DPP6: variants seen among roughly 807,000 people sequenced by gnomAD.
DPP6 encodes the protein A-type potassium channel modulatory protein DPP6.
In DPP6, 69 loss-of-function variants were observed where a neutral mutation model predicts 122.6. The ratio of observed to expected loss-of-function variants is 0.56; its 90% confidence interval spans 0.46 to 0.69. The LOEUF (loss-of-function observed/expected upper bound fraction) is 0.69, where lower values mean the gene tolerates loss of function less well. Among genes scored for constraint, DPP6 ranks in the 30% least tolerant of loss-of-function variants. The pLI is 0.00. For synonymous variants in DPP6, 418 were observed against 433.1 expected (o/e 0.97, Z 0.43); for missense variants, 928 against 1,116.9 (o/e 0.83, Z 2.41).
chr7:154,761,707 A>G (rs1795568441), intron 8 of DPP6, among the ~76,000 whole-genome samples: 2 of 151,530 alleles, frequency 1.3e-5, no homozygotes, highest in African/African-American at 4.8e-5. Flanking sequence ...TTTTTTTTCA[A>G]GGTTTTATTT....
At chr7:154,004,127 A>T (rs58743531) in intron 1 of DPP6, among the ~76,000 whole-genome samples, 2,316 of 150,512 alleles carry the variant, frequency 0.015, 9 homozygotes, top group African/African-American at 0.036. Flanking sequence ...ATGAGTGGAT[A>T]GTCATGACCT....
intron 1 of DPP6, among the ~76,000 whole-genome samples, chr7:154,154,172 G>T (rs1342220894): frequency 2.0e-5 from 3 of 152,218 alleles, no homozygotes; most frequent in Non-Finnish European, 4.4e-5. Flanking sequence ...CTATGACCAA[G>T]AAGAAAAGGT....
At chr7:154,508,136 A>G (rs1296530358) in intron 3 of DPP6, among the ~76,000 whole-genome samples, 3 of 152,146 alleles carry the variant, frequency 2.0e-5, no homozygotes, top group African/African-American at 4.8e-5. Flanking sequence ...GCTTGGCTCT[A>G]TGAAAAGCAA....
the DPP6 span, among the ~76,000 whole-genome samples, chr7:153,792,888 C>G: frequency 6.6e-6 from 1 of 152,184 alleles, no homozygotes; most frequent in Non-Finnish European, 1.5e-5. Context: ...CTCACAAGAT[C>G]TGATGGGTTT....
intron 1 of DPP6, among the ~76,000 whole-genome samples, chr7:153,897,855 C>G (rs1157085078): frequency 6.6e-6 from 1 of 152,174 alleles, no homozygotes; most frequent in Admixed American, 6.6e-5. Context: ...AAGTGTTCCC[C>G]TTTCTCCACA....
intron 3 of DPP6, among the ~76,000 whole-genome samples, chr7:154,521,543 A>G (rs555709049): frequency 6.6e-6 from 1 of 152,280 alleles, no homozygotes; most frequent in Non-Finnish European, 1.5e-5. Flanking sequence ...AAGATTTTAA[A>G]AGCTATTTGG....
rs979074077 is a variant in DPP6, at chr7:154,115,487, A to T, written c.243+62424A>T. ...CTTATCAGAGATTTGCTCTGAGGTG[A>T]TAGTGTTATAGGGCCCTGATGCAAA... On this transcript the variant is annotated intron_variant, in intron 1 of 25. Coordinates refer to ENST00000377770, the MANE Select transcript of DPP6 (RefSeq NM_130797.4). 7.9e-5 allele frequency among the ~76,000 whole-genome samples: 12 copies of T among 152,090 alleles called. 1 individual carries two copies. Among genetic ancestry groups the T allele is most frequent in the Admixed American group, 3.3e-4 (5 of 15,282 alleles).
At chr7:154,005,845 C>T (rs1235718039) in intron 1 of DPP6, among the ~76,000 whole-genome samples, 4 of 152,076 alleles carry the variant, frequency 2.6e-5, no homozygotes, top group Non-Finnish European at 4.4e-5. Context: ...CTAAGCTTTG[C>T]ATCCCAGAGT....
At chr7:153,858,531 C>T in the DPP6 span, among the ~76,000 whole-genome samples, 1 of 152,148 alleles carries the variant, frequency 6.6e-6, no homozygotes, top group Non-Finnish European at 1.5e-5. Flanking sequence ...ACTCTGCATT[C>T]CCTAGATCAC....
chr7:154,174,014 ACCAGTTTCCC>A (rs1177899830), intron 1 of DPP6, among the ~76,000 whole-genome samples: 1 of 152,166 alleles, frequency 6.6e-6, no homozygotes, highest in African/African-American at 2.4e-5. Flanking sequence ...GCTTAAGGGG[ACCAGTTTCCC>A]CCACGTGCCT....
chr7:154,304,474 G>A (rs10231911), intron 1 of DPP6, among the ~76,000 whole-genome samples: 81,152 of 151,998 alleles, frequency 0.53, 22,060 homozygotes, highest in East Asian at 0.74. Context: ...TGGACAGTCC[G>A]TCTCCTGTCC....
intron 8 of DPP6, among the ~76,000 whole-genome samples, chr7:154,759,579 A>G (rs1795398742): frequency 6.6e-6 from 1 of 152,186 alleles, no homozygotes; most frequent in Non-Finnish European, 1.5e-5. Context: ...CACAGCCTTT[A>G]GCTCTTGTCT....
At chr7:153,923,027 G>A (rs1182102481) in intron 1 of DPP6, among the ~76,000 whole-genome samples, 3 of 152,224 alleles carry the variant, frequency 2.0e-5, no homozygotes, top group African/African-American at 4.8e-5. Flanking sequence ...CCAGAGCCAC[G>A]TAGTGAGTGA....
At chr7:154,010,512 T>C (rs888935048) in intron 1 of DPP6, among the ~76,000 whole-genome samples, 1 of 152,224 alleles carries the variant, frequency 6.6e-6, no homozygotes, top group South Asian at 2.1e-4. Flanking sequence ...TCTCATGAAT[T>C]AATGAGCTCA....
At chr7:153,793,959 G>T in the DPP6 span, among the ~76,000 whole-genome samples, 1 of 152,218 alleles carries the variant, frequency 6.6e-6, no homozygotes, top group African/African-American at 2.4e-5. Flanking sequence ...CAAGAACTTG[G>T]GTTTGGGAAC....
chr7:154,495,047 A>G (rs186483109), intron 3 of DPP6, among the ~76,000 whole-genome samples: 67 of 152,344 alleles, frequency 4.4e-4, no homozygotes, highest in African/African-American at 1.7e-4. Flanking sequence ...TAACTAGGAC[A>G]TTGCCATGTA....
At position 154,338,561 on chromosome 7, in the gene DPP6, C is replaced by T. The variant is rs150300761; in HGVS notation, c.244-107653C>T. On this transcript the variant is annotated intron_variant, in intron 1 of 25. Coordinates refer to ENST00000377770, the MANE Select transcript of DPP6 (RefSeq NM_130797.4). ...TTAACTATGAGAGTCTGCATCCTTC[C>T]CCAGGGCCAGTGTTAATTTCCATCG... 5.9e-5 allele frequency among the ~76,000 whole-genome samples: 9 copies of T among 152,250 alleles called. No individual in the cohort carries two copies. In the East Asian group the frequency reaches 1.5e-3, roughly 26 times the overall value.
chr7:154,066,188 TA>T (rs1221140541), intron 1 of DPP6, among the ~76,000 whole-genome samples: 2 of 151,902 alleles, frequency 1.3e-5, no homozygotes, highest in African/African-American at 4.8e-5. Flanking sequence ...GCCTCCTGAG[TA>T]GCTGGGATTA....
chr7:154,166,251 G>A (rs1055424888), intron 1 of DPP6, among the ~76,000 whole-genome samples: 3 of 152,112 alleles, frequency 2.0e-5, no homozygotes, highest in African/African-American at 2.4e-5. Context: ...AAGCCATGGC[G>A]TGTCACTGTG....
Sources: gnomAD v4.1 joint callset for allele counts (sites outside exome capture counted in the v4.1 genomes callset) on GRCh38, gnomAD v4.1.1 for gene constraint, MANE v1.5 for transcripts, NCBI Gene and HGNC (gene_info 2026-07-23, HGNC 2026-07-21) for gene names.